The following GALNT5 variants were observed in gnomAD, a reference collection of about 807,000 sequenced individuals.
The protein encoded by GALNT5 is polypeptide N-acetylgalactosaminyltransferase 5.
In GALNT5, 72 loss-of-function variants were observed where a neutral mutation model predicts 85.4. That is an observed-to-expected ratio of 0.84 (90% CI 0.70 to 1.03). GALNT5 has a LOEUF of 1.03. Among genes scored for constraint, GALNT5 ranks in the 50% least tolerant of loss-of-function variants. The probability of loss-of-function intolerance (pLI) is 0.00; values close to 1 mark genes in which losing one functional copy is unlikely to be tolerated. For missense variants in GALNT5, 1,137 were observed against 1,135.5 expected, an observed-to-expected ratio of 1.00 and a Z score of -0.02; for synonymous variants, 404 against 397.0, an observed-to-expected ratio of 1.02 and a Z score of -0.21.
chr2:157,263,767 C>T (rs1409973361), intron 1 of GALNT5, among the ~76,000 whole-genome samples: 1 of 152,116 alleles, frequency 6.6e-6, no homozygotes, highest in Non-Finnish European at 1.5e-5. Flanking sequence ...AAACCTGCAG[C>T]AAGTCTGTTT....
chr2:157,308,752 T>C (rs1288220462), intron 9 of GALNT5, 24 bp downstream of exon 9: 1 of 1,576,316 alleles, frequency 6.3e-7, no homozygotes, highest in Non-Finnish European at 8.6e-7. Context: ...TGGTACCTCT[T>C]CTTTACCACA....
At chr2:157,273,733 CTG>C (rs1682650532) in intron 1 of GALNT5, among the ~76,000 whole-genome samples, 1 of 147,236 alleles carries the variant, frequency 6.8e-6, no homozygotes, top group Non-Finnish European at 1.5e-5. Flanking sequence ...ACCTCCGCCT[CTG>C]GGGTTCAAGC....
At chr2:157,307,728 C>T (rs573577619) in intron 8 of GALNT5, among the ~76,000 whole-genome samples, 5 of 152,120 alleles carry the variant, frequency 3.3e-5, no homozygotes, top group Non-Finnish European at 7.3e-5. Context: ...ACAAATGATT[C>T]ATTAGGTAAA....
Position 157,295,762 on chromosome 2 carries a change from G to C in GALNT5, c.1841G>C (p.Cys614Ser), listed in dbSNP as rs1418645124. 7 of 1,608,808 alleles carry C rather than the reference G, an allele frequency of 4.4e-6. No homozygotes were observed. Among genetic ancestry groups the C allele is most frequent in the Non-Finnish European group, 6.0e-6 (7 of 1,175,520 alleles). ...TATTTAAGTAGAAAGAAAGTGGCCT[G>C]TCCAGTAATCGAAGTCATCAATGAT... ...RVYLSRKKVACPVIEVINDKD... is the reference protein window; with the variant it reads ...RVYLSRKKVASPVIEVINDKD... Residue 614 changes from cysteine (C) to serine (S), a missense_variant, in exon 4 of 10, where the codon TGT becomes TCT. Cys to Ser is a moderately radical substitution (Grantham distance 112). Coordinates refer to ENST00000259056, the MANE Select transcript of GALNT5 (RefSeq NM_014568.3).
chr2:157,283,038 T>G (rs1026172535), intron 1 of GALNT5, among the ~76,000 whole-genome samples: 7 of 152,236 alleles, frequency 4.6e-5, no homozygotes, highest in African/African-American at 1.7e-4. Context: ...TCTCACAAAA[T>G]GTCGCATCTA....
intron 9 of GALNT5, among the ~76,000 whole-genome samples, chr2:157,309,985 A>AG (rs576049311): frequency 6.6e-6 from 1 of 151,990 alleles, no homozygotes; most frequent in African/African-American, 2.4e-5. Flanking sequence ...GGAAGGAGAA[A>AG]GGGGGGGATG....
chr2:157,300,864 C>T lies in GALNT5; in HGVS notation c.2304C>T (p.Ile768=), dbSNP rs776944776. 3.1e-6 allele frequency: 5 copies of T among 1,614,010 alleles called. No homozygotes were observed. The highest frequency in any genetic ancestry group is 1.1e-5 in the South Asian group (1 of 91,074). The change falls in exon 7 of 10, where the codon ATC becomes ATT. Residue 768 remains isoleucine (I), a synonymous_variant. Transcript: ENST00000259056. ...TCTATGGCCACGGAGACCACCTCAT[C>T]GACCAAGGGCTAGATGTTGGCAACC... The part of the protein sequence containing the change: ...ELFYGHGDHL[I]DQGLDVGNLT...
Position 157,284,353 on chromosome 2 carries a change from G to A in GALNT5, c.1526G>A (p.Trp509Ter). ...ATCATGTGCTTTGTGGATGAAGTGT[G>A]GTCCACTCTCCTGAGATCTGTTCAC... ...SVIMCFVDEV[W>*]STLLRSVHSV... The change falls in exon 2 of 10, where the codon TGG becomes TAG. Residue 509 changes from tryptophan to a stop codon, truncating the protein, a stop_gained. Transcript: ENST00000259056. LOFTEE classifies it high-confidence loss of function. 6.2e-7 allele frequency: 1 copy of A among 1,613,452 alleles called. No homozygotes were observed.
chr2:157,261,724 T>C (rs1307634608), intron 1 of GALNT5, among the ~76,000 whole-genome samples: 2 of 152,234 alleles, frequency 1.3e-5, no homozygotes, highest in Non-Finnish European at 2.9e-5. Context: ...TGACTATAAA[T>C]ATGTGTAAAT....
chr2:157,294,180 G>C (rs909475875), intron 3 of GALNT5, among the ~76,000 whole-genome samples: 1 of 152,158 alleles, frequency 6.6e-6, no homozygotes, highest in East Asian at 1.9e-4. Context: ...CAAAATGAAA[G>C]CAGTAGTCAA....
Position 157,316,181 on chromosome 2 carries a change from G to A in GALNT5, c.*4833G>A, listed in dbSNP as rs1217557980. ...ACCTGGTGACAAGGAAAAGGGAGCA[G>A]GAATCACCATATTGAATGTGCCTGG... On this transcript the variant is annotated 3_prime_UTR_variant, in exon 10 of 10. Coordinates refer to ENST00000259056, the MANE Select transcript of GALNT5 (RefSeq NM_014568.3). 6.6e-6 allele frequency among the ~76,000 whole-genome samples: 1 copy of A among 151,994 alleles called. No individual in the cohort carries two copies. Among genetic ancestry groups the A allele is most frequent in the African/African-American group, 2.4e-5 (1 of 41,392 alleles).
intron 1 of GALNT5, among the ~76,000 whole-genome samples, chr2:157,267,099 G>T (rs549167655): frequency 1.3e-5 from 2 of 152,224 alleles, no homozygotes; most frequent in African/African-American, 4.8e-5. Context: ...GGGACTGTTG[G>T]GAAAAAGGAG....
rs1455031458 is a variant in GALNT5 at position 157,316,009 on chromosome 2, G to C, written c.*4661G>C. ...TGATATACATAGGGCCCGGGGATTG[G>C]TTTAACCAGGTATACTACTTACATA... On this transcript the variant is annotated 3_prime_UTR_variant, in exon 10 of 10. Transcript: ENST00000259056. 2.0e-5 allele frequency among the ~76,000 whole-genome samples: 3 copies of C among 152,044 alleles called. No homozygotes were observed. In the East Asian group the frequency reaches 5.8e-4, roughly 29 times the overall value.
chr2:157,305,581 G>T (rs1237787692), intron 7 of GALNT5, among the ~76,000 whole-genome samples, 168 bp from the exon 8 acceptor site: 1 of 152,174 alleles, frequency 6.6e-6, no homozygotes, highest in South Asian at 2.1e-4. Flanking sequence ...ATTACATTAT[G>T]TCTCTGTTAG....
rs974974931 is a variant in GALNT5, at chr2:157,314,026, A to C, written c.*2678A>C. ...ATCTACTACCAACATTTTCTTAAGCATAGCCTTCTAAATTTTTTCAGGAGA... is the reference window on the plus strand; with the variant it reads ...ATCTACTACCAACATTTTCTTAAGCCTAGCCTTCTAAATTTTTTCAGGAGA... On this transcript the variant is annotated 3_prime_UTR_variant, in exon 10 of 10. Transcript: ENST00000259056. 1 of 152,264 alleles carries C rather than the reference A, an allele frequency of 6.6e-6. No homozygotes were observed. 9.4% of individuals were successfully genotyped at this position (152,264 alleles called of 1,614,324 possible). A position where few individuals can be genotyped will look rare whatever the true frequency, so the allele number is the denominator to read the frequency against.
chr2:157,276,248 T>A (rs997561795), intron 1 of GALNT5, among the ~76,000 whole-genome samples: 1 of 152,234 alleles, frequency 6.6e-6, no homozygotes, highest in African/African-American at 2.4e-5. Context: ...GATTTTCACA[T>A]TGATGTTCAT....
At position 157,259,147 on chromosome 2, in the gene GALNT5, A is replaced by G. The variant is rs1489340310; in HGVS notation, c.1065A>G (p.Gln355=). The G allele has an allele frequency of 6.7e-7, 1 of 1,496,610 alleles. No homozygotes were observed. Among genetic ancestry groups the G allele is most frequent in the Non-Finnish European group, 8.9e-7 (1 of 1,123,326 alleles). The allele number at this position is 1,496,610 out of a possible 1,614,324, so 92.7% of individuals were successfully genotyped here. ...TIFPKVLGKS[Q]SKHISRNRSE... is the part of the protein sequence containing the mutation. ...TTCCTAAAGTATTGGGTAAAAGCCA[A>G]AGTAAACACATTTCCAGGAATAGAA... The change falls in exon 1 of 10, where the codon CAA becomes CAG. Residue 355 remains glutamine (Q), a synonymous_variant. Transcript: ENST00000259056.
intron 1 of GALNT5, 116 bp downstream of exon 1, chr2:157,259,652 C>T (rs1377427960): frequency 1.0e-5 from 7 of 674,336 alleles, no homozygotes; most frequent in East Asian, 9.1e-5. Context: ...ATTAAAGAAA[C>T]ATTAATCATT....
chr2:157,310,088 A>G (rs1161609451), intron 9 of GALNT5, among the ~76,000 whole-genome samples: 2 of 152,168 alleles, frequency 1.3e-5, no homozygotes, highest in Admixed American at 6.6e-5. Context: ...GAATCTTGGG[A>G]AAGAGTTCAA....
Sources: gnomAD v4.1 joint callset for allele counts (sites outside exome capture counted in the v4.1 genomes callset) on GRCh38, gnomAD v4.1.1 for gene constraint, MANE v1.5 for transcripts, NCBI Gene and HGNC (gene_info 2026-07-23, HGNC 2026-07-21) for gene names.